The following C4orf17 variants were observed in gnomAD, a reference collection of about 807,000 sequenced individuals.
The protein encoded by C4orf17 is uncharacterized protein C4orf17.
C4orf17 carries 25 observed loss-of-function variants against 32.0 expected under a neutral mutation model. That is an observed-to-expected ratio of 0.78 (90% confidence interval 0.57 to 1.09). The LOEUF (loss-of-function observed/expected upper bound fraction) is 1.09, where lower values mean the gene tolerates loss of function less well. Ranked by LOEUF, C4orf17 falls within the 50% of genes least tolerant of loss-of-function variation. The probability of loss-of-function intolerance (pLI) is 0.00; values close to 1 mark genes in which losing one functional copy is unlikely to be tolerated. For missense variants in C4orf17, 420 were observed against 420.0 expected, an observed-to-expected ratio of 1.00 and a Z score of 0.00; for synonymous variants, 149 against 145.8, an observed-to-expected ratio of 1.02 and a Z score of -0.16.
intron 2 of C4orf17, among the ~76,000 whole-genome samples, chr4:99,516,327 C>G (rs1032041815): frequency 2.0e-5 from 3 of 152,130 alleles, no homozygotes; most frequent in Non-Finnish European, 1.5e-5. Flanking sequence ...TGGAAATGAG[C>G]TGCCCACAGT....
chr4:99,518,590 G>C (rs1723236140), intron 2 of C4orf17, among the ~76,000 whole-genome samples: 2 of 120,810 alleles, frequency 1.7e-5, no homozygotes, highest in Admixed American at 1.6e-4. Context: ...GAGAGGGAGG[G>C]AGACAGAGAG....
intron 5 of C4orf17, among the ~76,000 whole-genome samples, chr4:99,536,471 A>G (rs529180027): frequency 1.4e-4 from 21 of 152,326 alleles, no homozygotes; most frequent in African/African-American, 4.8e-4. Context: ...GGAATGGACC[A>G]GGATCCCACT....
In C4orf17 at chr4:99,525,340, A is replaced by G. The variant is rs185909692; in HGVS notation, c.402+755A>G. Among the ~76,000 whole-genome samples, 23 of 152,248 alleles carry G rather than the reference A, an allele frequency of 1.5e-4. No individual in the cohort carries two copies. The East Asian group carries it at 4.2e-3, about 28-fold the overall frequency. ...CGTCTTCCCCAAGCTTAGAATGGTCAGTCTTTTTATTTTTAGCCAGCCTAC... is the reference window on the plus strand; with the variant it reads ...CGTCTTCCCCAAGCTTAGAATGGTCGGTCTTTTTATTTTTAGCCAGCCTAC... On this transcript the variant is annotated intron_variant, in intron 4 of 8. Coordinates refer to ENST00000326581, the MANE Select transcript of C4orf17 (RefSeq NM_032149.3).
At position 99,513,149 on chromosome 4, in the gene C4orf17, A is replaced by G. The variant is rs1723124346; in HGVS notation, c.68A>G (p.Asn23Ser). 4 of 1,613,854 alleles carry G rather than the reference A, an allele frequency of 2.5e-6. No homozygotes were observed. Among genetic ancestry groups the G allele is most frequent in the Middle Eastern group, 1.6e-4 (1 of 6,078 alleles). The part of the protein sequence containing the change: ...EGKGSHIMAR[N>S]VSCFLVRHTP... ...AAAGGCAGCCATATTATGGCTAGAA[A>G]TGTAAGCTGCTTTCTAGTCAGGCAC... The change falls in exon 2 of 9, where the codon AAT becomes AGT. Residue 23 changes from asparagine (N) to serine (S), a missense_variant. Coordinates refer to ENST00000326581, the MANE Select transcript of C4orf17 (RefSeq NM_032149.3).
rs369456037 is a variant in C4orf17 at position 99,539,309 on chromosome 4, C to T, written c.775C>T (p.Pro259Ser). Residue 259 changes from proline (P) to serine (S), a missense_variant, in exon 7 of 9, where the codon CCA (proline) becomes TCA (serine). Pro to Ser is a moderately conservative substitution (Grantham distance 74). Coordinates refer to ENST00000326581, the MANE Select transcript of C4orf17 (RefSeq NM_032149.3). ...VKSPPTVKLP[P>S]NFTAKSKVLT... is the part of the protein sequence containing the mutation. ...ATCACCACCCACAGTTAAATTGCCCCCAAATTTTACTGCAAAATCAAAAGT... is the reference window on the plus strand; with the variant it reads ...ATCACCACCCACAGTTAAATTGCCCTCAAATTTTACTGCAAAATCAAAAGT... 6.8e-6 allele frequency: 11 copies of T among 1,613,912 alleles called. No individual in the cohort carries two copies. The highest frequency in any genetic ancestry group is 1.3e-5 in the African/African-American group (1 of 74,918).
At chr4:99,540,918 T>G (rs1157796873) in intron 8 of C4orf17, 1 of 152,824 alleles carries the variant, frequency 6.5e-6, no homozygotes, top group East Asian at 1.9e-4. Flanking sequence ...AGAGCAGTTT[T>G]GTGTTCCACC....
intron 2 of C4orf17, among the ~76,000 whole-genome samples, chr4:99,517,003 G>A (rs1272388079): frequency 6.6e-6 from 1 of 152,032 alleles, no homozygotes; most frequent in Non-Finnish European, 1.5e-5. Context: ...CAGGGAGGTG[G>A]GCTTTAGGTT....
At chr4:99,541,868 G>T (rs1335877665) in intron 8 of C4orf17, 42 bp from the exon 9 acceptor site, 1 of 1,407,116 alleles carries the variant, frequency 7.1e-7, no homozygotes, top group East Asian at 2.3e-5. Flanking sequence ...TGTATTCAGT[G>T]TCTCAATTAT....
At chr4:99,516,009 C>A (rs1017370117) in intron 2 of C4orf17, among the ~76,000 whole-genome samples, 15 of 152,092 alleles carry the variant, frequency 9.9e-5, no homozygotes, top group African/African-American at 3.6e-4. Flanking sequence ...GTCCTGGTAA[C>A]TGATTAGTAT....
intron 5 of C4orf17, among the ~76,000 whole-genome samples, chr4:99,530,334 A>G (rs2110171324): frequency 6.6e-6 from 1 of 152,200 alleles, no homozygotes; most frequent in Middle Eastern, 3.4e-3. Flanking sequence ...GATTCCTCCA[A>G]TCAACATTCA....
chr4:99,523,311 C>T (rs969950123), intron 3 of C4orf17, among the ~76,000 whole-genome samples: 1 of 152,164 alleles, frequency 6.6e-6, no homozygotes, highest in African/African-American at 2.4e-5. Flanking sequence ...GAAATTATAT[C>T]CAGTTCTCTT....
Position 99,513,093 on chromosome 4 carries a change from C to G in C4orf17, c.12C>G (p.Asn4Lys). The G allele has an allele frequency of 1.2e-6, 2 of 1,613,558 alleles. No individual in the cohort carries two copies. Among genetic ancestry groups the G allele is most frequent in the Non-Finnish European group, 1.7e-6 (2 of 1,179,698 alleles). The change falls in exon 2 of 9, where the codon AAC becomes AAG. Residue 4 changes from asparagine (N) to lysine (K), a missense_variant. Physicochemically the swap from Asn to Lys is moderately conservative, Grantham distance 94. Transcript: ENST00000326581. ...AACACACCACAAACATGAACCTCAA[C>G]CCCCCGACATCTGCTCTTCAGATCG... MNL[N>K]PPTSALQIEG...
intron 3 of C4orf17, among the ~76,000 whole-genome samples, chr4:99,523,309 A>G (rs916874727): frequency 6.6e-6 from 1 of 152,260 alleles, no homozygotes; most frequent in Admixed American, 6.5e-5. Flanking sequence ...TAGAAATTAT[A>G]TCCAGTTCTC....
intron 5 of C4orf17, among the ~76,000 whole-genome samples, chr4:99,533,627 G>A (rs969613445): frequency 6.6e-6 from 1 of 152,178 alleles, no homozygotes; most frequent in African/African-American, 2.4e-5. Context: ...ATAAATCTAT[G>A]CAGAGAATGA....
At chr4:99,522,439 C>T in intron 2 of C4orf17, 61 bp from the exon 3 acceptor site, 1 of 1,280,004 alleles carries the variant, frequency 7.8e-7, no homozygotes. Flanking sequence ...TCAAAGAAAA[C>T]CTTCCAAACA....
At chr4:99,515,513 T>A (rs1015992027) in intron 2 of C4orf17, among the ~76,000 whole-genome samples, 3 of 151,448 alleles carry the variant, frequency 2.0e-5, no homozygotes. Flanking sequence ...CAGGGACACA[T>A]AGAGGGGAAC....
At chr4:99,528,070 T>C (rs376500291) in intron 4 of C4orf17, among the ~76,000 whole-genome samples, 3 of 152,316 alleles carry the variant, frequency 2.0e-5, no homozygotes, top group East Asian at 3.9e-4. Context: ...CTAAAAGTTG[T>C]TTATTCAGTC....
At position 99,536,410 on chromosome 4, in the gene C4orf17, C is replaced by A. The variant is rs1365271192; in HGVS notation, c.547-1259C>A. Among the ~76,000 whole-genome samples the A allele has an allele frequency of 4.5e-4, 68 of 152,162 alleles. 1 individual carries two copies. Among genetic ancestry groups the A allele is most frequent in the Non-Finnish European group, 1.5e-5 (1 of 68,014 alleles). On this transcript the variant is annotated intron_variant, in intron 5 of 8. Transcript: ENST00000326581. Reference sequence around the variant, plus strand: ...GGAGATCAGAGCTCTGTGTGTATGACCCTGGCTGGAGTTGCTGAAATTCCC... The same window carrying A: ...GGAGATCAGAGCTCTGTGTGTATGAACCTGGCTGGAGTTGCTGAAATTCCC...
chr4:99,523,531 A>G (rs2110168731), intron 3 of C4orf17, among the ~76,000 whole-genome samples: 1 of 152,316 alleles, frequency 6.6e-6, no homozygotes, highest in East Asian at 1.9e-4. Context: ...CCCTTCTGCT[A>G]GCAATGAAGA....
Sources: allele counts gnomAD v4.1 joint callset (sites outside exome capture counted in the v4.1 genomes callset), GRCh38; gene constraint gnomAD v4.1.1; transcripts MANE v1.5; gene names NCBI Gene and HGNC (gene_info 2026-07-23, HGNC 2026-07-21).